Variants in ZNF432 observed in about 807,000 individuals in gnomAD.
ZNF432 encodes zinc finger protein 432.
Under a neutral mutation model 13.9 loss-of-function variants are expected in ZNF432, and 10 were observed. The observed-to-expected ratio is 0.72, with a 90% CI of 0.44 to 1.22. The LOEUF (loss-of-function observed/expected upper bound fraction) is 1.22, where lower values mean the gene tolerates loss of function less well. Among genes scored for constraint, ZNF432 ranks in the 50% most tolerant of loss-of-function variants. The probability of loss-of-function intolerance (pLI) is 0.00; values close to 1 mark genes in which losing one functional copy is unlikely to be tolerated. For missense variants in ZNF432, 793 were observed against 796.2 expected (o/e 1.00, Z 0.05); for synonymous variants, 247 against 256.2 (o/e 0.96, Z 0.34).
At position 52,042,411 on chromosome 19, in the gene ZNF432, C is replaced by T. The variant is rs559290320; in HGVS notation, c.16-805G>A. On this transcript the variant is annotated intron_variant, in intron 2 of 4. Coordinates refer to ENST00000221315, the MANE Select transcript of ZNF432 (RefSeq NM_014650.4). ...CAAAAAGACAAAAATTAACCAGGTG[C>T]GGTGGCACACACCTGTGATCCCAGC... Among the ~76,000 whole-genome samples the T allele has an allele frequency of 9.2e-4, 140 of 151,872 alleles. 1 individual carries two copies. The highest frequency in any genetic ancestry group is 1.3e-3 in the Non-Finnish European group (86 of 67,946).
intron 4 of ZNF432, among the ~76,000 whole-genome samples, chr19:52,036,975 T>C (rs1371833504): frequency 6.6e-6 from 1 of 152,178 alleles, no homozygotes; most frequent in East Asian, 1.9e-4. Context: ...TGAGCCAGGA[T>C]ACCATGTTGA....
intron 1 of ZNF432, chr19:52,047,313 G>A (rs973496592): frequency 3.6e-5 from 6 of 168,016 alleles, no homozygotes; most frequent in African/African-American, 1.4e-4. Flanking sequence ...TGGATGGTGA[G>A]AAACTACATT....
rs996803836 is a variant in ZNF432, at chr19:52,033,032, A to G, written c.*688T>C. The G allele has an allele frequency of 6.6e-6, 1 of 152,192 alleles. No individual in the cohort carries two copies. 9.4% of individuals were successfully genotyped at this position (152,192 alleles called of 1,614,324 possible). A position where few individuals can be genotyped will look rare whatever the true frequency, so the allele number is the denominator to read the frequency against. The stretch of plus-strand genomic sequence containing the variant: ...AGAGATAGGGTCTTTCTTCCCATAG[A>G]AGGCTTTCCTAGCCTACTCCTTTGT... On this transcript the variant is annotated 3_prime_UTR_variant, in exon 5 of 5. Transcript: ENST00000221315.
At chr19:52,042,681 A>T (rs895067650) in intron 2 of ZNF432, among the ~76,000 whole-genome samples, 7 of 152,326 alleles carry the variant, frequency 4.6e-5, no homozygotes, top group African/African-American at 1.7e-4. Context: ...TATTATATTC[A>T]AATAAGAGAA....
At chr19:52,040,370 TG>T in intron 4 of ZNF432, 117 bp downstream of exon 4, 1 of 865,858 alleles carries the variant, frequency 1.2e-6, no homozygotes, top group Non-Finnish European at 1.9e-6. Context: ...GGGTTTCTTG[TG>T]GAGGGAAAAC....
chr19:52,036,818 A>G (rs2123148710), intron 4 of ZNF432, among the ~76,000 whole-genome samples: 1 of 152,262 alleles, frequency 6.6e-6, no homozygotes, highest in Non-Finnish European at 1.5e-5. Flanking sequence ...CTACAGGCAC[A>G]TGCAACCATG....
chr19:52,036,954 A>G (rs2087087941), intron 4 of ZNF432, among the ~76,000 whole-genome samples: 1 of 152,170 alleles, frequency 6.6e-6, no homozygotes, highest in Non-Finnish European at 1.5e-5. Flanking sequence ...TATAGGTGTG[A>G]GCCAAGGCAC....
intron 2 of ZNF432, among the ~76,000 whole-genome samples, 164 bp downstream of exon 2, chr19:52,046,690 C>T (rs1361645300): frequency 1.3e-5 from 2 of 152,168 alleles, no homozygotes; most frequent in Non-Finnish European, 2.9e-5. Context: ...CAACATCAGT[C>T]ATTTTGTAGG....
At position 52,037,707 on chromosome 19, in the gene ZNF432, T is replaced by C. The variant is rs984262344; in HGVS notation, c.239-2267A>G. Among the ~76,000 whole-genome samples the C allele has an allele frequency of 2.7e-5, 4 of 150,838 alleles. No individual in the cohort carries two copies. The Admixed American group carries it at 2.7e-4, about 10-fold the overall frequency. On this transcript the variant is annotated intron_variant, in intron 4 of 4. Transcript: ENST00000221315. ...TGGGATGTTGAGGTGGGAGGATCGC[T>C]TGAGCCCAGGAGGTTGAGGCTGCAG...
intron 1 of ZNF432, among the ~76,000 whole-genome samples, chr19:52,048,177 AC>A (rs1278062973): frequency 6.7e-6 from 1 of 148,222 alleles, no homozygotes; most frequent in African/African-American, 2.6e-5. Context: ...ACACACACAC[AC>A]ACACAAAACC....
chr19:52,042,687 G>A (rs1228774991), intron 2 of ZNF432, among the ~76,000 whole-genome samples: 1 of 152,116 alleles, frequency 6.6e-6, no homozygotes, highest in Non-Finnish European at 1.5e-5. Context: ...ATTCAAATAA[G>A]AGAAGCAATT....
At chr19:52,042,511 T>C (rs1344252699) in intron 2 of ZNF432, among the ~76,000 whole-genome samples, 1 of 152,134 alleles carries the variant, frequency 6.6e-6, no homozygotes, top group Non-Finnish European at 1.5e-5. Context: ...ATCATGCCAC[T>C]GTACTCCAGC....
intron 4 of ZNF432, among the ~76,000 whole-genome samples, chr19:52,035,938 A>C (rs2087077020): frequency 6.6e-6 from 1 of 152,240 alleles, no homozygotes; most frequent in Non-Finnish European, 1.5e-5. Flanking sequence ...ACAAACCAAA[A>C]AGTAAAAGCA....
intron 4 of ZNF432, 133 bp from the exon 5 acceptor site, chr19:52,035,573 C>T: frequency 4.0e-6 from 3 of 754,754 alleles, no homozygotes; most frequent in South Asian, 5.1e-5. Flanking sequence ...CGCTCTGTTA[C>T]CCAGGCTGGA....
At chr19:52,038,928 T>C (rs1204604601) in intron 4 of ZNF432, among the ~76,000 whole-genome samples, 2 of 152,404 alleles carry the variant, frequency 1.3e-5, no homozygotes, top group East Asian at 3.9e-4. Context: ...ATAGGGGCTT[T>C]GGCCCATGCC....
chr19:52,043,731 A>C lies in ZNF432; in HGVS notation c.16-2125T>G, dbSNP rs563912093. ...ACCGCCTTAGGGCTGGAGGTGGGAC[A>C]TTCGGGCAGCAATACTGCTTTGTAA... On this transcript the variant is annotated intron_variant, in intron 2 of 4. Transcript: ENST00000221315. Among the ~76,000 whole-genome samples the C allele has an allele frequency of 3.5e-3, 531 of 152,352 alleles. 3 individuals are homozygous for C. Among genetic ancestry groups the C allele is most frequent in the African/African-American group, 0.012 (506 of 41,574 alleles).
chr19:52,043,426 C>T (rs373462743), intron 2 of ZNF432, among the ~76,000 whole-genome samples: 27 of 151,640 alleles, frequency 1.8e-4, no homozygotes, highest in African/African-American at 5.6e-4. Flanking sequence ...ACAAACACTG[C>T]GGAAGGCCGC....
chr19:52,034,903 TTCTC>T lies in ZNF432; in HGVS notation c.772_775del (p.Glu258AsnfsTer14), dbSNP rs759617581. 1.5e-5 allele frequency: 24 copies of T among 1,613,382 alleles called. No homozygotes were observed. In the African/African-American group the frequency reaches 1.7e-4, roughly 12 times the overall value. On this transcript the variant is annotated frameshift_variant, in exon 5 of 5. Coordinates refer to ENST00000221315, the MANE Select transcript of ZNF432 (RefSeq NM_014650.4). LOFTEE classifies it low-confidence loss of function (END_TRUNC). ...TCCACATTCACTGCATATAAAAGAT[TTCTC>T]TCTTTTATGAATTCTTTGATGTTCA...
At position 52,040,271 on chromosome 19, in the gene ZNF432, A is replaced by G. The variant is rs970814412; in HGVS notation, c.238+217T>C. 6.9e-6 allele frequency: 4 copies of G among 576,248 alleles called. No individual in the cohort carries two copies. The African/African-American group carries it at 7.5e-5, about 11-fold the overall frequency. The allele number at this position is 576,248 out of a possible 1,614,324, so 35.7% of individuals were successfully genotyped here. On this transcript the variant is annotated intron_variant, in intron 4 of 4. Transcript: ENST00000221315. Reference sequence around the variant, plus strand: ...TAGAGACTTTTAAGAAGAGAACTCCATAGGTAGAGGACATTCAATACAACA... The same window carrying G: ...TAGAGACTTTTAAGAAGAGAACTCCGTAGGTAGAGGACATTCAATACAACA...
Sources: gnomAD v4.1 joint callset for allele counts (sites outside exome capture counted in the v4.1 genomes callset) on GRCh38, gnomAD v4.1.1 for gene constraint, MANE v1.5 for transcripts, NCBI Gene and HGNC (gene_info 2026-07-23, HGNC 2026-07-21) for gene names.